Variants in PPP2R5E observed in about 807,000 individuals in gnomAD.
PPP2R5E encodes protein phosphatase 2 regulatory subunit B'epsilon.
A neutral mutation model predicts 65.3 loss-of-function variants in PPP2R5E; 4 were observed. The ratio of observed to expected loss-of-function variants is 0.06; its 90% CI spans 0.03 to 0.14. The LOEUF is 0.14. PPP2R5E is among the 10% of genes least tolerant of loss of function. PPP2R5E has a pLI of 1.00. For synonymous variants in PPP2R5E, 183 were observed against 187.4 expected, an observed-to-expected ratio of 0.98 and a Z score of 0.19; for missense variants, 274 against 556.1, an observed-to-expected ratio of 0.49 and a Z score of 5.10.
intron 2 of PPP2R5E, among the ~76,000 whole-genome samples, chr14:63,485,990 C>A (rs1890974799): frequency 6.6e-6 from 1 of 151,448 alleles, no homozygotes; most frequent in African/African-American, 2.4e-5. Flanking sequence ...CTACTACGCC[C>A]AGCTAATTTT....
intron 2 of PPP2R5E, among the ~76,000 whole-genome samples, chr14:63,524,179 C>A (rs1269799236): frequency 2.0e-5 from 3 of 152,138 alleles, no homozygotes; most frequent in Non-Finnish European, 2.9e-5. Flanking sequence ...GCACAAGCAG[C>A]CCTGAATTAA....
At chr14:63,483,992 G>A (rs1169804151) in intron 2 of PPP2R5E, among the ~76,000 whole-genome samples, 2 of 151,872 alleles carry the variant, frequency 1.3e-5, no homozygotes, top group African/African-American at 2.4e-5. Flanking sequence ...GCTGAGGCAG[G>A]AGAATCGCTT....
chr14:63,523,298 C>A (rs886738328), intron 2 of PPP2R5E, among the ~76,000 whole-genome samples: 3 of 152,082 alleles, frequency 2.0e-5, no homozygotes, highest in Admixed American at 2.0e-4. Context: ...AGTGAGAAAT[C>A]GGATGGTTGC....
At chr14:63,458,446 A>G (rs1301615854) in intron 2 of PPP2R5E, among the ~76,000 whole-genome samples, 1 of 152,190 alleles carries the variant, frequency 6.6e-6, no homozygotes, top group Admixed American at 6.5e-5. Context: ...AAGAAATAAA[A>G]TATGTGCCCA....
chr14:63,444,930 G>A (rs1189629072), intron 3 of PPP2R5E, among the ~76,000 whole-genome samples: 1 of 152,146 alleles, frequency 6.6e-6, no homozygotes. Context: ...ACTTTCTGAA[G>A]GAACTACTTT....
rs533600348 is a variant in PPP2R5E, at chr14:63,430,673, T to C, written c.355-8579A>G. On this transcript the variant is annotated intron_variant, in intron 3 of 13. Transcript: ENST00000337537. ...ATCTCAAAGCATTTGTAATTATGCCTGAGGGACTTAGAATCAGAGCAGACA... is the reference window on the plus strand; with the variant it reads ...ATCTCAAAGCATTTGTAATTATGCCCGAGGGACTTAGAATCAGAGCAGACA... Among the ~76,000 whole-genome samples, 304 of 152,260 alleles carry C rather than the reference T, an allele frequency of 2.0e-3. 1 individual carries two copies. Among genetic ancestry groups the C allele is most frequent in the African/African-American group, 7.0e-3 (289 of 41,544 alleles).
At chr14:63,478,496 A>T (rs1890520539) in intron 2 of PPP2R5E, among the ~76,000 whole-genome samples, 1 of 152,204 alleles carries the variant, frequency 6.6e-6, no homozygotes, top group Non-Finnish European at 1.5e-5. Flanking sequence ...TCTCTTTAAC[A>T]TCTGGCTTAA....
In PPP2R5E at chr14:63,489,262, A is replaced by C. The variant is rs112242324; in HGVS notation, c.158-35377T>G. Among the ~76,000 whole-genome samples, 285 of 152,128 alleles carry C rather than the reference A, an allele frequency of 1.9e-3. 3 individuals carry two copies. Among genetic ancestry groups the C allele is most frequent in the African/African-American group, 6.5e-3 (269 of 41,536 alleles). ...GGAAAGTAAAAAATGAACATAGAAA[A>C]CTGCTAATTCACTTTTCAAGTACCA... On this transcript the variant is annotated intron_variant, in intron 2 of 13. Transcript: ENST00000337537.
intron 10 of PPP2R5E, 136 bp downstream of exon 10, chr14:63,391,681 C>T: frequency 1.1e-6 from 1 of 927,964 alleles, no homozygotes; most frequent in Non-Finnish European, 1.6e-6. Context: ...CCTCGGCCTC[C>T]CAAAGTGCTG....
At chr14:63,384,710 C>G (rs1884559727) in intron 11 of PPP2R5E, 139 bp from the exon 12 acceptor site, 1 of 625,772 alleles carries the variant, frequency 1.6e-6, no homozygotes, top group African/African-American at 1.9e-5. Context: ...ATATTAATCA[C>G]ATTTTAATAT....
chr14:63,386,634 T>C (rs938454300), intron 11 of PPP2R5E, among the ~76,000 whole-genome samples: 1 of 151,892 alleles, frequency 6.6e-6, no homozygotes, highest in Admixed American at 6.6e-5. Context: ...AAATGTAACA[T>C]AGGTGGGGCT....
chr14:63,521,389 C>G lies in PPP2R5E; in HGVS notation c.157+18140G>C, dbSNP rs547389395. The stretch of plus-strand genomic sequence containing the variant: ...ACTATTAAAAACACCAGTTAGTTGG[C>G]CGGGCGCAGTGGCTCATGCCTGTAA... On this transcript the variant is annotated intron_variant, in intron 2 of 13. Transcript: ENST00000337537. Among the ~76,000 whole-genome samples, 32 of 152,322 alleles carry G rather than the reference C, an allele frequency of 2.1e-4. No homozygotes were observed. The South Asian group carries it at 5.8e-3, about 28-fold the overall frequency.
intron 3 of PPP2R5E, among the ~76,000 whole-genome samples, chr14:63,438,735 G>C (rs1473407969): frequency 6.6e-6 from 1 of 152,128 alleles, no homozygotes; most frequent in African/African-American, 2.4e-5. Flanking sequence ...TAGCAATCTC[G>C]AGTAGCTCAG....
chr14:63,406,589 A>C (rs991218777), intron 5 of PPP2R5E, among the ~76,000 whole-genome samples: 1 of 152,188 alleles, frequency 6.6e-6, no homozygotes, highest in Non-Finnish European at 1.5e-5. Flanking sequence ...CTAAATCGCC[A>C]CAGTTTCCAT....
chr14:63,456,961 C>A (rs928630776), intron 2 of PPP2R5E, among the ~76,000 whole-genome samples: 2 of 152,144 alleles, frequency 1.3e-5, no homozygotes, highest in African/African-American at 4.8e-5. Flanking sequence ...AATGACCTAC[C>A]TTCATTAAAT....
intron 2 of PPP2R5E, among the ~76,000 whole-genome samples, chr14:63,485,245 T>C (rs1331688081): frequency 6.6e-6 from 1 of 151,584 alleles, no homozygotes; most frequent in African/African-American, 2.4e-5. Flanking sequence ...AATTAAGATA[T>C]GTGAATACCC....
In PPP2R5E at chr14:63,412,032, T is replaced by C. The variant is rs905983868; in HGVS notation, c.549+3108A>G. ...TAATCAATGACTTAGATGAGGCCGA[T>C]AGCATATTTAGGTTACAGATGTCAT... On this transcript the variant is annotated intron_variant, in intron 5 of 13. Coordinates refer to ENST00000337537, the MANE Select transcript of PPP2R5E (RefSeq NM_006246.5). Among the ~76,000 whole-genome samples, 16 of 152,190 alleles carry C rather than the reference T, an allele frequency of 1.1e-4. No homozygotes were observed. In the East Asian group the frequency reaches 2.9e-3, roughly 27 times the overall value.
At chr14:63,433,038 T>TG (rs1887768541) in intron 3 of PPP2R5E, among the ~76,000 whole-genome samples, 3 of 139,602 alleles carry the variant, frequency 2.1e-5, no homozygotes, top group Admixed American at 7.0e-5. Flanking sequence ...TTTTGTTTTT[T>TG]TTTTTTTTTT....
Position 63,540,998 on chromosome 14 carries a change from C to G in PPP2R5E, c.-7-1306G>C, listed in dbSNP as rs531324719. Among the ~76,000 whole-genome samples, 8 of 152,216 alleles carry G rather than the reference C, an allele frequency of 5.3e-5. No individual in the cohort carries two copies. The East Asian group carries it at 1.5e-3, about 29-fold the overall frequency. On this transcript the variant is annotated intron_variant, in intron 1 of 13. Coordinates refer to ENST00000337537, the MANE Select transcript of PPP2R5E (RefSeq NM_006246.5). ...TCCATTGATACATTTTCCCAAGATA[C>G]TTAATATTATGAATGGGTTCTGGAG...
Sources: allele counts gnomAD v4.1 joint callset (sites outside exome capture counted in the v4.1 genomes callset), GRCh38; gene constraint gnomAD v4.1.1; transcripts MANE v1.5; gene names NCBI Gene and HGNC (gene_info 2026-07-23, HGNC 2026-07-21).